The following PRDX6 variants were observed in gnomAD, a reference collection of about 807,000 sequenced individuals.
PRDX6 encodes peroxiredoxin 6, also known as peroxiredoxin-6.
A neutral mutation model predicts 20.0 loss-of-function variants in PRDX6; 13 were observed. The observed-to-expected ratio is 0.65, with a 90% CI of 0.42 to 1.03. PRDX6 has a LOEUF of 1.03. Among genes scored for constraint, PRDX6 ranks in the 50% least tolerant of loss-of-function variants. The pLI, the probability that PRDX6 is intolerant of heterozygous loss-of-function variation, is 0.00. For missense variants in PRDX6, 203 were observed against 276.9 expected (o/e 0.73, Z 1.89); for synonymous variants, 85 against 100.8 (o/e 0.84, Z 0.94).
intron 1 of PRDX6, among the ~76,000 whole-genome samples, chr1:173,479,385 A>AT (rs1339802400): frequency 6.6e-6 from 1 of 152,152 alleles, no homozygotes; most frequent in Non-Finnish European, 1.5e-5. Flanking sequence ...GATTTTTCCA[A>AT]TTTTCTATTC....
chr1:173,485,311 G>T, intron 2 of PRDX6, 50 bp from the exon 3 acceptor site: 2 of 1,472,906 alleles, frequency 1.4e-6, no homozygotes, highest in South Asian at 1.4e-5. Flanking sequence ...ATGAAATTCA[G>T]AGCATGTGTT....
Position 173,487,774 on chromosome 1 carries a change from G to T in PRDX6, c.586G>T (p.Glu196Ter), listed in dbSNP as rs1466043518. The T allele has an allele frequency of 1.2e-6, 2 of 1,614,008 alleles. No individual in the cohort carries two copies. Among genetic ancestry groups the T allele is most frequent in the South Asian group, 2.2e-5 (2 of 91,084 alleles). ...SVMVLPTIPE[E>*]EAKKLFPKGV... ...GATGGTCCTTCCAACCATCCCTGAA[G>T]AAGAAGCCAAAAAACTTTTCCCGAA... Residue 196 changes from glutamate (E) to a stop codon, truncating the protein, a stop_gained, in exon 5 of 5, where the codon GAA becomes TAA. Transcript: ENST00000340385. LOFTEE classifies it high-confidence loss of function.
intron 1 of PRDX6, among the ~76,000 whole-genome samples, chr1:173,479,375 G>C (rs1479144728): frequency 1.3e-5 from 2 of 152,170 alleles, no homozygotes; most frequent in Non-Finnish European, 2.9e-5. Flanking sequence ...ATTTTTGCCT[G>C]ATTTTTCCAA....
intron 1 of PRDX6, 98 bp from the exon 2 acceptor site, chr1:173,481,225 AAAG>A: frequency 8.3e-7 from 1 of 1,209,334 alleles, no homozygotes; most frequent in South Asian, 1.5e-5. Context: ...TTCATTTAAA[AAAG>A]AAAGCCTGTT....
intron 1 of PRDX6, 73 bp downstream of exon 1, chr1:173,477,565 TC>T: frequency 8.0e-7 from 1 of 1,251,272 alleles, no homozygotes; most frequent in Non-Finnish European, 1.1e-6. Flanking sequence ...CTGTTTCTTC[TC>T]CCTGCCGTCC....
At chr1:173,485,533 G>T (rs370036062) in intron 3 of PRDX6, 26 bp downstream of exon 3, 1 of 1,562,130 alleles carries the variant, frequency 6.4e-7, no homozygotes, top group Non-Finnish European at 8.7e-7. Flanking sequence ...TCATTTTGTA[G>T]TTAGCTTAAC....
chr1:173,480,930 T>A (rs1468201075), intron 1 of PRDX6, among the ~76,000 whole-genome samples: 1 of 152,154 alleles, frequency 6.6e-6, no homozygotes, highest in Non-Finnish European at 1.5e-5. Context: ...AATGTCAGGG[T>A]CTATGCTAGA....
intron 2 of PRDX6, among the ~76,000 whole-genome samples, chr1:173,484,717 G>A (rs1317884248): frequency 6.6e-6 from 1 of 151,902 alleles, no homozygotes; most frequent in Non-Finnish European, 1.5e-5. Flanking sequence ...GACTTGAAAT[G>A]CTTTGTTTTC....
chr1:173,484,004 T>A (rs1305030218), intron 2 of PRDX6, among the ~76,000 whole-genome samples: 12 of 150,430 alleles, frequency 8.0e-5, no homozygotes, highest in African/African-American at 2.2e-4. Context: ...TTCAGGAGGC[T>A]GAGGCAGAGA....
intron 2 of PRDX6, among the ~76,000 whole-genome samples, chr1:173,484,036 GAGGTTGCAGTGAGCCA>G (rs1342888744): frequency 2.3e-4 from 35 of 149,782 alleles, no homozygotes; most frequent in Non-Finnish European, 4.0e-4. Flanking sequence ...CTGGGAGGCG[GAGGTTGCAGTGAGCCA>G]AGGTTGCGGT....
chr1:173,486,864 A>T (rs551339739), intron 4 of PRDX6, among the ~76,000 whole-genome samples: 1 of 152,210 alleles, frequency 6.6e-6, no homozygotes, highest in African/African-American at 2.4e-5. Flanking sequence ...TAAACTTTTC[A>T]TCTTTAGGAC....
rs1658920980 is a variant in PRDX6 at position 173,487,594 on chromosome 1, C to G, written c.547-141C>G. ...AAGTGCCAAAGATCAACTTGGAAAA[C>G]AAAATCCTCACAGAGGGGAGAGTAA... On this transcript the variant is annotated intron_variant, in intron 4 of 4. Coordinates refer to ENST00000340385, the MANE Select transcript of PRDX6 (RefSeq NM_004905.3). 6.3e-6 allele frequency: 6 copies of G among 958,926 alleles called. No homozygotes were observed. The Admixed American group carries it at 1.6e-4, about 26-fold the overall frequency. The allele number at this position is 958,926 out of a possible 1,614,324, so 59.4% of individuals were successfully genotyped here.
chr1:173,480,138 C>A (rs1180473718), intron 1 of PRDX6, among the ~76,000 whole-genome samples: 1 of 152,180 alleles, frequency 6.6e-6, no homozygotes, highest in African/African-American at 2.4e-5. Flanking sequence ...ATAGTGCACA[C>A]CTCCACAATC....
At position 173,477,584 on chromosome 1, in the gene PRDX6, C is replaced by A. The variant is rs570598684; in HGVS notation, c.95+92C>A. 324 of 1,111,082 alleles carry A rather than the reference C, an allele frequency of 2.9e-4. 2 individuals are homozygous for A. The African/African-American group carries it at 4.6e-3, about 16-fold the overall frequency. The allele number at this position is 1,111,082 out of a possible 1,614,324, so 68.8% of individuals were successfully genotyped here. On this transcript the variant is annotated intron_variant, in intron 1 of 4. Coordinates refer to ENST00000340385, the MANE Select transcript of PRDX6 (RefSeq NM_004905.3). ...TTCTTCTCCCTGCCGTCCTCCCGGC[C>A]GCTCAGCCCCCTGCGCCGCCCTCGC...
chr1:173,481,596 AATT>A (rs1658802144), intron 2 of PRDX6, 114 bp downstream of exon 2: 2 of 1,131,754 alleles, frequency 1.8e-6, no homozygotes, highest in East Asian at 4.8e-5. Context: ...AAAGTTCACT[AATT>A]ATTTGAAAAT....
chr1:173,487,254 A>G (rs1478681715), intron 4 of PRDX6, among the ~76,000 whole-genome samples: 1 of 152,204 alleles, frequency 6.6e-6, no homozygotes, highest in Non-Finnish European at 1.5e-5. Flanking sequence ...TTGGAGAAAA[A>G]CACAGAGAAG....
At position 173,477,407 on chromosome 1, in the gene PRDX6, G is replaced by C. The variant is rs747450942; in HGVS notation, c.10G>C (p.Gly4Arg). The C allele has an allele frequency of 1.2e-6, 2 of 1,608,256 alleles. No individual in the cohort carries two copies. The highest frequency in any genetic ancestry group is 1.7e-6 in the Non-Finnish European group (2 of 1,177,728). MPG[G>R]LLLGDVAPNF... Reference sequence around the variant, plus strand: ...CCTCATCACCGTCGCCATGCCCGGAGGTCTGCTTCTCGGGGACGTGGCTCC... The same window carrying C: ...CCTCATCACCGTCGCCATGCCCGGACGTCTGCTTCTCGGGGACGTGGCTCC... The change falls in exon 1 of 5, where the codon GGT becomes CGT. Residue 4 changes from glycine to arginine, a missense_variant. Coordinates refer to ENST00000340385, the MANE Select transcript of PRDX6 (RefSeq NM_004905.3).
At chr1:173,479,109 T>C (rs1409257530) in intron 1 of PRDX6, among the ~76,000 whole-genome samples, 1 of 152,196 alleles carries the variant, frequency 6.6e-6, no homozygotes, top group Non-Finnish European at 1.5e-5. Context: ...AAAACGTATT[T>C]ACTGTGCCAA....
Position 173,477,526 on chromosome 1 carries a change from C to T in PRDX6, c.95+34C>T, listed in dbSNP as rs775375790. 12 of 1,533,930 alleles carry T rather than the reference C, an allele frequency of 7.8e-6. No homozygotes were observed. In the Admixed American group the frequency reaches 1.4e-4, roughly 18 times the overall value. ...CCACCGCGTAGCCCTGTCCTGGCCT[C>T]GGTTGCGCCGGACTCGGAGGTGCCT... On this transcript the variant is annotated intron_variant, in intron 1 of 4. Transcript: ENST00000340385.
Sources: gnomAD v4.1 joint callset for allele counts (sites outside exome capture counted in the v4.1 genomes callset) on GRCh38, gnomAD v4.1.1 for gene constraint, MANE v1.5 for transcripts, NCBI Gene and HGNC (gene_info 2026-07-23, HGNC 2026-07-21) for gene names.